USP6: variants seen among roughly 807,000 people sequenced by gnomAD.
USP6 encodes the protein ubiquitin specific peptidase 6.
In USP6, 128 loss-of-function variants were observed where a neutral mutation model predicts 175.7. That is an observed-to-expected ratio of 0.73 (90% CI 0.63 to 0.84). The LOEUF is 0.84. USP6 is among the 40% of genes least tolerant of loss of function. The pLI, the probability that USP6 is intolerant of heterozygous loss-of-function variation, is 0.00. For missense variants in USP6, 1,498 were observed against 1,760.3 expected (o/e 0.85, Z 2.67); for synonymous variants, 562 against 630.6 (o/e 0.89, Z 1.63).
intron 15 of USP6, chr17:5,134,986 T>G: frequency 2.2e-6 from 1 of 444,626 alleles, no homozygotes; most frequent in Admixed American, 3.2e-5. Context: ...CTGGTGTGTG[T>G]GCAAAAGAAA....
Position 5,146,021 on chromosome 17 carries a change from A to T in USP6, c.2168-2A>T, listed in dbSNP as rs1439561801. The T allele has an allele frequency of 1.3e-6, 2 of 1,573,450 alleles. No homozygotes were observed. Among genetic ancestry groups the T allele is most frequent in the Admixed American group, 3.8e-5 (2 of 52,940 alleles). On this transcript the variant is annotated splice_acceptor_variant, in intron 27 of 37. Coordinates refer to ENST00000574788, the MANE Select transcript of USP6 (RefSeq NM_001304284.2). LOFTEE classifies it high-confidence loss of function. The stretch of plus-strand genomic sequence containing the variant: ...TGATAAAAGATCTTTTCTCTTTACT[A>T]GTGATTAAGTTAGATGGTACTACCC...
chr17:5,170,432 T>G (rs2074188624), intron 35 of USP6, 47 bp from the exon 36 acceptor site: 1 of 1,541,422 alleles, frequency 6.5e-7, no homozygotes, highest in African/African-American at 1.4e-5. Context: ...GCTGGCTTAC[T>G]TTCTGGCATT....
At chr17:5,155,644 A>C (rs755847968) in intron 31 of USP6, 38 bp downstream of exon 31, 3 of 1,567,200 alleles carry the variant, frequency 1.9e-6, no homozygotes, top group Non-Finnish European at 2.6e-6. Context: ...GTGGTTTCCA[A>C]ACTCTAGAAA....
At chr17:5,148,867 CT>C in intron 30 of USP6, 100 bp downstream of exon 30, 2 of 1,494,302 alleles carry the variant, frequency 1.3e-6, no homozygotes, top group Non-Finnish European at 1.8e-6. Flanking sequence ...ATTTTCTTCT[CT>C]TTTTTCTTTA....
chr17:5,125,662 GCACACACACGCACATGCACACACACA>G (rs1331645671), intron 5 of USP6, among the ~76,000 whole-genome samples, 133 bp from the exon 6 acceptor site: 3 of 129,018 alleles, frequency 2.3e-5, no homozygotes, highest in Admixed American at 7.6e-5. Flanking sequence ...ACACAAACAC[GCACACACACGCACATGCACACACACA>G]CACACACACA....
intron 17 of USP6, 64 bp from the exon 18 acceptor site, chr17:5,136,576 T>G (rs1403016565): frequency 3.8e-6 from 6 of 1,585,822 alleles, no homozygotes; most frequent in Admixed American, 1.7e-5. Flanking sequence ...CCCAGCTCTT[T>G]CAGCTGATGG....
chr17:5,149,330 G>A (rs1258558042), intron 30 of USP6, among the ~76,000 whole-genome samples: 1 of 152,188 alleles, frequency 6.6e-6, no homozygotes, highest in Non-Finnish European at 1.5e-5. Context: ...TTGAACCCAG[G>A]AGGCAGAGGT....
chr17:5,135,917 A>C lies in USP6; in HGVS notation c.653A>C (p.His218Pro), dbSNP rs376999090. ...ALVQLLASER[H>P]SLPGFHSPNG... ...GTGCAGCTGCTGGCCAGTGAGAGGC[A>C]CTCCCTGCCAGGTAGGTGAACAGCT... Residue 218 changes from histidine (H) to proline (P), a missense_variant, in exon 17 of 38, where the codon CAC (histidine) becomes CCC (proline). Transcript: ENST00000574788. 3.1e-6 allele frequency: 5 copies of C among 1,598,164 alleles called. No homozygotes were observed. The African/African-American group carries it at 6.7e-5, about 21-fold the overall frequency.
At chr17:5,156,989 C>G (rs1320486454) in intron 31 of USP6, among the ~76,000 whole-genome samples, 2 of 152,030 alleles carry the variant, frequency 1.3e-5, no homozygotes, top group Non-Finnish European at 2.9e-5. Flanking sequence ...CTCAGCCTCC[C>G]AAAGTACTGG....
At chr17:5,127,896 A>G (rs2143801375) in intron 7 of USP6, among the ~76,000 whole-genome samples, 1 of 152,370 alleles carries the variant, frequency 6.6e-6, no homozygotes, top group Non-Finnish European at 1.5e-5. Flanking sequence ...CATGTTCAGT[A>G]GAGACAACCA....
At chr17:5,172,036 ATGT>A (rs1804086823) in intron 37 of USP6, among the ~76,000 whole-genome samples, 1 of 151,548 alleles carries the variant, frequency 6.6e-6, no homozygotes, top group Admixed American at 6.6e-5. Flanking sequence ...TTAGTTGGGC[ATGT>A]TGGCGCATGC....
In USP6 at chr17:5,135,295, G is replaced by A. The variant is rs1419227984; in HGVS notation, c.543+13G>A. 4 of 1,612,156 alleles carry A rather than the reference G, an allele frequency of 2.5e-6. No homozygotes were observed. The highest frequency in any genetic ancestry group is 1.3e-5 in the African/African-American group (1 of 74,956). On this transcript the variant is annotated intron_variant, in intron 16 of 37. Coordinates refer to ENST00000574788, the MANE Select transcript of USP6 (RefSeq NM_001304284.2). ...GGAGTATAACCCGGTGAGTATTCCC[G>A]GCAGTGAGGTTCCCAGGCTGTATTT... is the stretch of plus-strand genomic sequence containing the variant.
intron 31 of USP6, among the ~76,000 whole-genome samples, chr17:5,159,111 A>T (rs2073954737): frequency 6.6e-6 from 1 of 152,218 alleles, no homozygotes; most frequent in African/African-American, 2.4e-5. Flanking sequence ...GGGTCTATGT[A>T]GAAGAGTGAT....
intron 33 of USP6, among the ~76,000 whole-genome samples, chr17:5,165,092 A>C (rs1041697498): frequency 2.0e-5 from 3 of 151,970 alleles, no homozygotes; most frequent in Non-Finnish European, 4.4e-5. Context: ...CATTGTTTTA[A>C]AAACAAGACA....
intron 28 of USP6, 69 bp downstream of exon 28, chr17:5,146,243 G>A: frequency 1.3e-6 from 2 of 1,503,900 alleles, no homozygotes; most frequent in African/African-American, 2.8e-5. Flanking sequence ...CAATTATGAT[G>A]ATCAGTTGTT....
At chr17:5,136,523 T>C (rs1287793960) in intron 17 of USP6, 117 bp from the exon 18 acceptor site, 1 of 1,309,290 alleles carries the variant, frequency 7.6e-7, no homozygotes, top group Non-Finnish European at 1.1e-6. Flanking sequence ...GGTCACCAGA[T>C]GGGAGGGCGG....
At chr17:5,169,107 C>T (rs2074159178) in intron 35 of USP6, 52 bp downstream of exon 35, 1 of 1,500,604 alleles carries the variant, frequency 6.7e-7, no homozygotes, top group South Asian at 1.4e-5. Flanking sequence ...CTGTAGGCTA[C>T]ATATGTTTCT....
chr17:5,133,646 G>GGCCCCCCCCCC, intron 14 of USP6, 96 bp downstream of exon 14: 1 of 966,344 alleles, frequency 1.0e-6, no homozygotes, highest in Non-Finnish European at 1.6e-6. Flanking sequence ...GGGTGGGGGG[G>GGCCCCCCCCCC]TGGGAGGGGA....
chr17:5,135,386 C>T (rs1365466625), intron 16 of USP6, 104 bp downstream of exon 16: 58 of 1,433,452 alleles, frequency 4.0e-5, no homozygotes, highest in Non-Finnish European at 5.5e-5. Flanking sequence ...GTATTTGTGA[C>T]TCACCAGGAT....
Sources: allele counts gnomAD v4.1 joint callset (sites outside exome capture counted in the v4.1 genomes callset), GRCh38; gene constraint gnomAD v4.1.1; transcripts MANE v1.5; gene names NCBI Gene and HGNC (gene_info 2026-07-23, HGNC 2026-07-21).